Variants in CCHCR1 observed in about 807,000 individuals in gnomAD.
The protein encoded by CCHCR1 is HCR (a-helix coiled-coil rod homologue).
In CCHCR1, 91 loss-of-function variants were observed where a neutral mutation model predicts 114.6. The ratio of observed to expected loss-of-function variants is 0.79; its 90% CI spans 0.67 to 0.94. The LOEUF (loss-of-function observed/expected upper bound fraction) is 0.94, where lower values mean the gene tolerates loss of function less well. Ranked by LOEUF, CCHCR1 falls within the 40% of genes least tolerant of loss-of-function variation. CCHCR1 has a pLI of 0.00. For missense variants in CCHCR1, 899 were observed against 1,079.9 expected (o/e 0.83, Z 2.35); for synonymous variants, 379 against 428.5 (o/e 0.88, Z 1.43).
In CCHCR1 at chr6:31,148,523, G is replaced by A; in HGVS notation, c.1474-12C>T. 6.2e-7 allele frequency: 1 copy of A among 1,607,072 alleles called. No individual in the cohort carries two copies. Among genetic ancestry groups the A allele is most frequent in the Non-Finnish European group, 8.5e-7 (1 of 1,174,766 alleles). On this transcript the variant is annotated splice_polypyrimidine_tract_variant and intron_variant, in intron 9 of 17. Transcript: ENST00000396268. The stretch of plus-strand genomic sequence containing the variant: ...TCCAACTGCAGGCCCTGGGGAGGAT[G>A]CAGCAAAGGACAGGGTCCCTCCCTA...
At chr6:31,148,826 G>C in intron 8 of CCHCR1, 98 bp from the exon 9 acceptor site, 1 of 179,854 alleles carries the variant, frequency 5.6e-6, no homozygotes, top group Non-Finnish European at 1.2e-5. Flanking sequence ...CTGTAAGAAT[G>C]CCATGCAGGG....
rs1561786029 is a variant in CCHCR1, at chr6:31,142,481, G to T, written c.*111C>A. ...TTATTTAGAGCAGAATTCAGACTCA[G>T]CTGGTATCCCCCAGGGCAACCCCAG... is the stretch of plus-strand genomic sequence containing the variant. On this transcript the variant is annotated 3_prime_UTR_variant, in exon 18 of 18. Transcript: ENST00000396268. 1 of 917,436 alleles carries T rather than the reference G, an allele frequency of 1.1e-6. No homozygotes were observed. Among genetic ancestry groups the T allele is most frequent in the Non-Finnish European group, 1.7e-6 (1 of 601,754 alleles). 56.8% of individuals were successfully genotyped at this position (917,436 alleles called of 1,614,324 possible).
At chr6:31,147,439 G>A (rs1229373633) in intron 10 of CCHCR1, among the ~76,000 whole-genome samples, 1 of 150,692 alleles carries the variant, frequency 6.6e-6, no homozygotes, top group Non-Finnish European at 1.5e-5. Context: ...CCTGCCTTGG[G>A]TACCTCAGTG....
rs1776208626 is a variant in CCHCR1, at chr6:31,157,443, A to G, written c.158T>C (p.Val53Ala). 6.2e-7 allele frequency: 1 copy of G among 1,612,938 alleles called. No individual in the cohort carries two copies. Among genetic ancestry groups the G allele is most frequent in the Non-Finnish European group, 8.5e-7 (1 of 1,180,040 alleles). ...WRWRSRPLHC[V>A]PPFSPLARSS... ...CCTGGCCAGAGGTGAGAAAGGAGGT[A>G]CACAGTGCAGGGGTCTTGAGCGCCA... Residue 53 changes from valine to alanine, a missense_variant, in exon 1 of 18, where the codon GTA becomes GCA. Val to Ala is a moderately conservative substitution (Grantham distance 64, BLOSUM62 0). Transcript: ENST00000396268.
Position 31,154,499 on chromosome 6 carries a change from C to T in CCHCR1, c.798G>A (p.Glu266=), listed in dbSNP as rs1343483591. ...TCCTTTCTACCCCTGCATTCACCTG[C>T]TCTTGGTGCAGCCTCTGAACCTCTT... ...ELEEVQRLHQ[E]QLSSLTQAHE... Residue 266 remains glutamate (E), a synonymous_variant, in exon 4 of 18, where the codon GAG becomes GAA. Coordinates refer to ENST00000396268, the MANE Select transcript of CCHCR1 (RefSeq NM_001105564.2). This position sits in a 1 kb window ranked among gnomAD's most constrained non-coding sequence, Gnocchi z 4.1. The T allele has an allele frequency of 6.2e-7, 1 of 1,607,706 alleles. No individual in the cohort carries two copies. Among genetic ancestry groups the T allele is most frequent in the East Asian group, 2.2e-5 (1 of 44,734 alleles).
At position 31,142,987 on chromosome 6, in the gene CCHCR1, C is replaced by A. The variant is rs778324681; in HGVS notation, c.2467G>T (p.Val823Leu). 3 of 1,612,552 alleles carry A rather than the reference C, an allele frequency of 1.9e-6. No individual in the cohort carries two copies. The highest frequency in any genetic ancestry group is 1.7e-6 in the Non-Finnish European group (2 of 1,179,718). ...CCTTTTATGGACTCCCTGGTGGGCA[C>A]TGCTGCTGCTACAGGTGCAGATGCT... Reference protein sequence around the residue: ...CSASAPVAAAVPTRESIKGSL... With the variant: ...CSASAPVAAALPTRESIKGSL... Residue 823 changes from valine to leucine, a missense_variant, in exon 17 of 18, where the codon GTG (valine) becomes TTG (leucine). By Grantham distance (32) the Val-to-Leu change is conservative. Coordinates refer to ENST00000396268, the MANE Select transcript of CCHCR1 (RefSeq NM_001105564.2).
In CCHCR1 at chr6:31,150,039, T is replaced by C; in HGVS notation, c.1362+27A>G. 2.5e-6 allele frequency: 4 copies of C among 1,611,476 alleles called. No individual in the cohort carries two copies. Among genetic ancestry groups the C allele is most frequent in the South Asian group, 1.1e-5 (1 of 91,032 alleles). On this transcript the variant is annotated intron_variant, in intron 8 of 17. Coordinates refer to ENST00000396268, the MANE Select transcript of CCHCR1 (RefSeq NM_001105564.2). This position sits in a 1 kb window ranked among gnomAD's most constrained non-coding sequence, Gnocchi z 5.3. ...GAAGGAGCAAGGTGCTGGGAGGGAATACCGGGAGAAAAGAGAGTGCAGTGA... is the reference window on the plus strand; with the variant it reads ...GAAGGAGCAAGGTGCTGGGAGGGAACACCGGGAGAAAAGAGAGTGCAGTGA...
chr6:31,151,536 C>A lies in CCHCR1; in HGVS notation c.802-414G>T, dbSNP rs1001354532. ...CCCTGGAGGCTCTCCCACTGCTCCC[C>A]GCTCCGGCCACGGGGAGTCTGCTGA... is the stretch of plus-strand genomic sequence containing the variant. On this transcript the variant is annotated intron_variant, in intron 4 of 17. Coordinates refer to ENST00000396268, the MANE Select transcript of CCHCR1 (RefSeq NM_001105564.2). This position sits in a 1 kb window ranked among gnomAD's most constrained non-coding sequence, Gnocchi z 4.1. 3.9e-5 allele frequency among the ~76,000 whole-genome samples: 6 copies of A among 152,202 alleles called. No individual in the cohort carries two copies. Among genetic ancestry groups the A allele is most frequent in the Non-Finnish European group, 7.3e-5 (5 of 68,036 alleles).
chr6:31,150,296 C>T lies in CCHCR1; in HGVS notation c.1213-81G>A. On this transcript the variant is annotated intron_variant, in intron 7 of 17. Transcript: ENST00000396268. This position sits in a 1 kb window ranked among gnomAD's most constrained non-coding sequence, Gnocchi z 5.3. Reference sequence around the variant, plus strand: ...GGTGGCATCTTTGTTTCTCCTCTGTCCTGCCTGGGCAACATGAGCTACAGC... The same window carrying T: ...GGTGGCATCTTTGTTTCTCCTCTGTTCTGCCTGGGCAACATGAGCTACAGC... 1 of 1,502,440 alleles carries T rather than the reference C, an allele frequency of 6.7e-7. No homozygotes were observed. 93.1% of individuals were successfully genotyped at this position (1,502,440 alleles called of 1,614,324 possible).
intron 10 of CCHCR1, among the ~76,000 whole-genome samples, chr6:31,146,366 G>A (rs946302167): frequency 2.6e-5 from 4 of 152,048 alleles, no homozygotes; most frequent in African/African-American, 9.7e-5. Flanking sequence ...AGAAAACAAA[G>A]TTATCCTCTC....
At position 31,148,745 on chromosome 6, in the gene CCHCR1, A is replaced by C. The variant is rs1774730842; in HGVS notation, c.1363-17T>G. 1.3e-6 allele frequency: 2 copies of C among 1,507,814 alleles called. No homozygotes were observed. The highest frequency in any genetic ancestry group is 1.8e-6 in the Non-Finnish European group (2 of 1,085,730). 93.4% of individuals were successfully genotyped at this position (1,507,814 alleles called of 1,614,324 possible). A position where few individuals can be genotyped will look rare whatever the true frequency, so the allele number is the denominator to read the frequency against. On this transcript the variant is annotated splice_polypyrimidine_tract_variant and intron_variant, in intron 8 of 17. Coordinates refer to ENST00000396268, the MANE Select transcript of CCHCR1 (RefSeq NM_001105564.2). ...TGAGGCCACCTGGGGGAGGAGAGAG[A>C]GCTAGGCAGGGCCCTCTAGAGCTAA...
In CCHCR1 at chr6:31,157,584, G is replaced by T. The variant is rs374425011; in HGVS notation, c.17C>A (p.Ala6Asp). 52 of 1,611,222 alleles carry T rather than the reference G, an allele frequency of 3.2e-5. No homozygotes were observed. Among genetic ancestry groups the T allele is most frequent in the Non-Finnish European group, 4.4e-5 (52 of 1,179,440 alleles). ...AGTGCTGGCCCAAGGCCTGGCCCCA[G>T]CTGAATGTGGCCACATGCAGGGCTA... MWPHS[A>D]GARPWASTLT... Residue 6 changes from alanine (A) to aspartate (D), a missense_variant, in exon 1 of 18, where the codon GCT becomes GAT. Physicochemically the swap from Ala to Asp is moderately radical, Grantham distance 126. Coordinates refer to ENST00000396268, the MANE Select transcript of CCHCR1 (RefSeq NM_001105564.2).
In CCHCR1 at chr6:31,142,733, C is replaced by T; in HGVS notation, c.2492-17G>A. The T allele has an allele frequency of 6.3e-7, 1 of 1,599,448 alleles. No homozygotes were observed. Among genetic ancestry groups the T allele is most frequent in the Non-Finnish European group, 8.5e-7 (1 of 1,172,196 alleles). On this transcript the variant is annotated splice_polypyrimidine_tract_variant and intron_variant, in intron 17 of 17. Transcript: ENST00000396268. ...AGAGGGACCCTGGGAAGGAAGACAG[C>T]AGATGAGCACCAGACAAGGGAAGGT...
rs1774137693 is a variant in CCHCR1, at chr6:31,145,162, G to A, written c.1876+4C>T. 6.2e-7 allele frequency: 1 copy of A among 1,612,050 alleles called. No homozygotes were observed. Among genetic ancestry groups the A allele is most frequent in the Admixed American group, 1.7e-5 (1 of 59,990 alleles). On this transcript the variant is annotated splice_donor_region_variant and intron_variant, in intron 13 of 17. Coordinates refer to ENST00000396268, the MANE Select transcript of CCHCR1 (RefSeq NM_001105564.2). ...CCTCTCCACCCCCTGGCAACCAGGT[G>A]TACCTTGCTCCCGAGCCCGGCCCAC...
Position 31,145,716 on chromosome 6 carries a change from C to A in CCHCR1, c.1673G>T (p.Arg558Leu). The change falls in exon 11 of 18, where the codon CGC becomes CTC. Residue 558 changes from arginine to leucine, a missense_variant. Physicochemically the swap from Arg to Leu is moderately radical, Grantham distance 102. Transcript: ENST00000396268. ...SLNNRLSYAVRKVHTIRGLIA... is the reference protein window; with the variant it reads ...SLNNRLSYAVLKVHTIRGLIA... The stretch of plus-strand genomic sequence containing the variant: ...CGCACCCCGAATGGTGTGGACCTTG[C>A]GGACAGCATAGCTGAGTCGGTTGTT... The A allele has an allele frequency of 6.2e-7, 1 of 1,613,200 alleles. No individual in the cohort carries two copies. The highest frequency in any genetic ancestry group is 8.5e-7 in the Non-Finnish European group (1 of 1,179,370).
At chr6:31,142,772 G>A (rs1773724116) in intron 17 of CCHCR1, 56 bp from the exon 18 acceptor site, 1 of 1,582,662 alleles carries the variant, frequency 6.3e-7, no homozygotes, top group Non-Finnish European at 8.6e-7. Flanking sequence ...CGTGGTTACA[G>A]AGGAAACAGG....
chr6:31,157,253 C>T, intron 1 of CCHCR1, 132 bp downstream of exon 1: 1 of 1,017,016 alleles, frequency 9.8e-7, no homozygotes, highest in Non-Finnish European at 1.5e-6. Context: ...CCCAAATTCA[C>T]TTGCTTGTCT....
chr6:31,150,112 G>A lies in CCHCR1; in HGVS notation c.1316C>T (p.Ala439Val). Residue 439 changes from alanine to valine, a missense_variant, in exon 8 of 18, where the codon GCC becomes GTC. Ala to Val is a moderately conservative substitution (Grantham distance 64). Coordinates refer to ENST00000396268, the MANE Select transcript of CCHCR1 (RefSeq NM_001105564.2). The surrounding 1 kb of genome is among the most constrained non-coding windows in gnomAD (Gnocchi z 5.3). ...AGAGTCACTGTGTTCCAGCTCCTGG[G>A]CCTTTAGCTGCACCATGAGGGCAAA... ...KVFALMVQLK[A>V]QELEHSDSVK... The A allele has an allele frequency of 6.2e-7, 1 of 1,614,196 alleles. No individual in the cohort carries two copies. The highest frequency in any genetic ancestry group is 8.5e-7 in the Non-Finnish European group (1 of 1,180,030).
chr6:31,154,545 T>C lies in CCHCR1; in HGVS notation c.752A>G (p.Glu251Gly). ...GAEVVRKNLEEGSQRELEEVQ... is the reference protein window; with the variant it reads ...GAEVVRKNLEGGSQRELEEVQ... ...CTCTTCCAGCTCCCGCTGGCTCCCCTCTTCCAAGTTCTTCCGGACAACCTC... is the reference window on the plus strand; with the variant it reads ...CTCTTCCAGCTCCCGCTGGCTCCCCCCTTCCAAGTTCTTCCGGACAACCTC... The change falls in exon 4 of 18, where the codon GAG becomes GGG. Residue 251 changes from glutamate (E) to glycine (G), a missense_variant. By Grantham distance (98) the Glu-to-Gly change is moderately conservative (BLOSUM62 -2). Transcript: ENST00000396268. This position sits in a 1 kb window ranked among gnomAD's most constrained non-coding sequence, Gnocchi z 4.1. 6.2e-7 allele frequency: 1 copy of C among 1,612,978 alleles called. No individual in the cohort carries two copies. The highest frequency in any genetic ancestry group is 8.5e-7 in the Non-Finnish European group (1 of 1,179,942).
Sources: allele counts gnomAD v4.1 joint callset (sites outside exome capture counted in the v4.1 genomes callset), GRCh38; gene constraint gnomAD v4.1.1; non-coding constraint Gnocchi (gnomAD v3.1); transcripts MANE v1.5; gene names NCBI Gene and HGNC (gene_info 2026-07-23, HGNC 2026-07-21).